NRG3: variants seen among roughly 807,000 people sequenced by gnomAD.
NRG3 encodes pro-neuregulin-3, membrane-bound isoform.
NRG3 carries 31 observed loss-of-function variants against 66.9 expected under a neutral mutation model. That is an observed-to-expected ratio of 0.46 (90% confidence interval 0.35 to 0.63). The LOEUF (loss-of-function observed/expected upper bound fraction) is 0.63, where lower values mean the gene tolerates loss of function less well. NRG3 is among the 20% of genes least tolerant of loss of function. The pLI, the probability that NRG3 is intolerant of heterozygous loss-of-function variation, is 0.00. For missense variants in NRG3, 910 were observed against 878.9 expected (o/e 1.04, Z -0.45); for synonymous variants, 393 against 359.4 (o/e 1.09, Z -1.06).
chr10:82,523,470 G>A (rs745550843), intron 2 of NRG3, among the ~76,000 whole-genome samples: 1 of 151,750 alleles, frequency 6.6e-6, no homozygotes, highest in Non-Finnish European at 1.5e-5. Context: ...TCTCTGATAG[G>A]TAATGATGGT....
At chr10:82,447,458 G>T (rs1315430119) in intron 2 of NRG3, among the ~76,000 whole-genome samples, 1 of 152,138 alleles carries the variant, frequency 6.6e-6, no homozygotes, top group Non-Finnish European at 1.5e-5. Context: ...ATCATTGAAA[G>T]AATGAGTTAA....
At chr10:82,553,059 A>C (rs556162336) in intron 2 of NRG3, among the ~76,000 whole-genome samples, 6 of 150,870 alleles carry the variant, frequency 4.0e-5, no homozygotes, top group South Asian at 2.1e-4. Flanking sequence ...ACACACACAC[A>C]CCCCTTTATG....
chr10:82,203,366 C>T (rs758255999), intron 1 of NRG3, among the ~76,000 whole-genome samples: 4 of 152,072 alleles, frequency 2.6e-5, no homozygotes, highest in Non-Finnish European at 5.9e-5. Flanking sequence ...AGTACTTGAG[C>T]TTGAGAAATT....
At chr10:82,304,180 T>G (rs1375432765) in intron 1 of NRG3, among the ~76,000 whole-genome samples, 3 of 152,142 alleles carry the variant, frequency 2.0e-5, no homozygotes, top group East Asian at 3.9e-4. Context: ...TTTGGATTTT[T>G]AGAGCCAATC....
chr10:82,907,045 A>T (rs1256647816), intron 4 of NRG3, among the ~76,000 whole-genome samples: 2 of 152,174 alleles, frequency 1.3e-5, no homozygotes, highest in African/African-American at 4.8e-5. Flanking sequence ...ATACAAACTG[A>T]TTTGGGTTAG....
chr10:82,032,312 C>G (rs903403675), intron 1 of NRG3, among the ~76,000 whole-genome samples: 1 of 151,990 alleles, frequency 6.6e-6, no homozygotes, highest in African/African-American at 2.4e-5. Flanking sequence ...CTTTGATTCT[C>G]TAACTAGAAA....
intron 2 of NRG3, among the ~76,000 whole-genome samples, chr10:82,570,992 A>G (rs1170263311): frequency 2.6e-5 from 4 of 151,410 alleles, no homozygotes; most frequent in African/African-American, 9.7e-5. Context: ...TTAGATATCT[A>G]TTTATCTCTA....
chr10:82,225,504 T>C (rs572889756), intron 1 of NRG3: 1 of 152,264 alleles, frequency 6.6e-6, no homozygotes, highest in South Asian at 2.1e-4. Context: ...CAGGTTTGGT[T>C]CTGAATGAAG....
At chr10:82,846,913 G>C (rs538480449) in intron 3 of NRG3, among the ~76,000 whole-genome samples, 47 of 152,268 alleles carry the variant, frequency 3.1e-4, no homozygotes, top group African/African-American at 1.1e-3. Context: ...ATAATGTTCA[G>C]CTGCAAGAGC....
At chr10:82,605,204 G>A (rs1229970618) in intron 2 of NRG3, among the ~76,000 whole-genome samples, 1 of 151,992 alleles carries the variant, frequency 6.6e-6, no homozygotes, top group Non-Finnish European at 1.5e-5. Context: ...TTACCAGTTT[G>A]AGAAAGTGTA....
chr10:82,141,094 G>A (rs2069748706), intron 1 of NRG3, among the ~76,000 whole-genome samples: 2 of 152,038 alleles, frequency 1.3e-5, no homozygotes, highest in South Asian at 4.1e-4. Flanking sequence ...CAAGAAAGGA[G>A]AGAAAACAAT....
chr10:82,958,874 G>A lies in NRG3; in HGVS notation c.1158-75G>A, dbSNP rs560358010. 17 of 1,426,116 alleles carry A rather than the reference G, an allele frequency of 1.2e-5. No homozygotes were observed. In the South Asian group the frequency reaches 2.6e-4, roughly 21 times the overall value. 88.3% of individuals were successfully genotyped at this position (1,426,116 alleles called of 1,614,324 possible). A position where few individuals can be genotyped will look rare whatever the true frequency, so the allele number is the denominator to read the frequency against. Reference sequence around the variant, plus strand: ...AGCAAATAACAAATATAGACACTGGGAATGAATGAGACCCTGAAAGTAGGA... The same window carrying A: ...AGCAAATAACAAATATAGACACTGGAAATGAATGAGACCCTGAAAGTAGGA... On this transcript the variant is annotated intron_variant, in intron 5 of 8. Transcript: ENST00000372141.
chr10:82,640,990 T>C, intron 2 of NRG3, among the ~76,000 whole-genome samples: 1 of 151,878 alleles, frequency 6.6e-6, no homozygotes, highest in African/African-American at 2.4e-5. Context: ...ACCTAGGGTC[T>C]TTAAATTTTT....
intron 2 of NRG3, among the ~76,000 whole-genome samples, chr10:82,505,161 G>GA (rs1844555058): frequency 6.6e-6 from 1 of 152,182 alleles, no homozygotes. Context: ...GACTTAAATA[G>GA]AAACAGTAGG....
Position 82,560,457 on chromosome 10 carries a change from G to A in NRG3, c.954-178120G>A, listed in dbSNP as rs545650733. 8.6e-5 allele frequency among the ~76,000 whole-genome samples: 13 copies of A among 151,104 alleles called. No homozygotes were observed. In the East Asian group the frequency reaches 2.4e-3, roughly 28 times the overall value. On this transcript the variant is annotated intron_variant, in intron 2 of 8. Transcript: ENST00000372141. ...GATAGTATTATCACTTCTGAGAACA[G>A]AATGTTTTCCATTTTTACTTATATT... is the stretch of plus-strand genomic sequence containing the variant.
chr10:82,198,774 A>G (rs1420771943), intron 1 of NRG3, among the ~76,000 whole-genome samples: 1 of 152,132 alleles, frequency 6.6e-6, no homozygotes, highest in Non-Finnish European at 1.5e-5. Flanking sequence ...CAGGGTGGGC[A>G]GATCATGAGG....
At chr10:82,748,269 G>T (rs981458723) in intron 3 of NRG3, among the ~76,000 whole-genome samples, 4 of 151,490 alleles carry the variant, frequency 2.6e-5, no homozygotes, top group Admixed American at 2.6e-4. Context: ...TAATATGCTT[G>T]AAAAACAACC....
chr10:81,930,132 G>C lies in NRG3; in HGVS notation c.823+53969G>C, dbSNP rs898680318. Among the ~76,000 whole-genome samples, 4 of 152,162 alleles carry C rather than the reference G, an allele frequency of 2.6e-5. No individual in the cohort carries two copies. The South Asian group carries it at 8.3e-4, about 31-fold the overall frequency. On this transcript the variant is annotated intron_variant, in intron 1 of 8. Coordinates refer to ENST00000372141, the MANE Select transcript of NRG3 (RefSeq NM_001010848.4). Reference sequence around the variant, plus strand: ...GCTGTAGACAGGACCTCTCAGTGATGCATGCAGTCACTGCCCAGGGTGCAG... The same window carrying C: ...GCTGTAGACAGGACCTCTCAGTGATCCATGCAGTCACTGCCCAGGGTGCAG...
At chr10:82,240,025 T>G (rs1202112543) in intron 1 of NRG3, among the ~76,000 whole-genome samples, 1 of 152,182 alleles carries the variant, frequency 6.6e-6, no homozygotes, top group African/African-American at 2.4e-5. Flanking sequence ...TTTATGCCTG[T>G]TTTGAATCTG....
Sources: gnomAD v4.1 joint callset for allele counts (sites outside exome capture counted in the v4.1 genomes callset) on GRCh38, gnomAD v4.1.1 for gene constraint, MANE v1.5 for transcripts, NCBI Gene and HGNC (gene_info 2026-07-23, HGNC 2026-07-21) for gene names.